The following MAD1L1 variants were observed in gnomAD, a reference collection of about 807,000 sequenced individuals.
The protein encoded by MAD1L1 is mitotic arrest deficient 1 like 1, also known as mitotic spindle assembly checkpoint protein MAD1.
In MAD1L1, 95 loss-of-function variants were observed where a neutral mutation model predicts 96.9. That is an observed-to-expected ratio of 0.98 (90% confidence interval 0.83 to 1.16). The LOEUF (loss-of-function observed/expected upper bound fraction) is 1.16. MAD1L1 is among the 50% of genes most tolerant of loss of function. MAD1L1 has a pLI of 0.00. For missense variants in MAD1L1, 1,007 were observed against 954.4 expected (o/e 1.06, Z -0.73); for synonymous variants, 473 against 396.6 (o/e 1.19, Z -2.29).
At chr7:1,849,291 T>A (rs1425929683) in intron 18 of MAD1L1, 2 of 152,140 alleles carry the variant, frequency 1.3e-5, no homozygotes, top group Admixed American at 1.3e-4. Context: ...GCAGCACAAA[T>A]CTCCAAGTGA....
At chr7:1,858,784 C>G (rs530322713) in intron 18 of MAD1L1, among the ~76,000 whole-genome samples, 17 of 152,334 alleles carry the variant, frequency 1.1e-4, no homozygotes, top group Non-Finnish European at 2.1e-4. Flanking sequence ...GCAAGGGGCC[C>G]CCAGCTGGAA....
intron 12 of MAD1L1, among the ~76,000 whole-genome samples, chr7:2,027,524 T>C (rs1178634215): frequency 6.6e-6 from 1 of 152,250 alleles, no homozygotes; most frequent in African/African-American, 2.4e-5. Context: ...CATTTATTCC[T>C]GGAATGTAAG....
intron 18 of MAD1L1, among the ~76,000 whole-genome samples, chr7:1,852,073 G>A (rs1784006780): frequency 6.6e-6 from 1 of 152,216 alleles, no homozygotes; most frequent in South Asian, 2.1e-4. Flanking sequence ...CTGTTGGCCT[G>A]GGGAGGGGCC....
chr7:1,848,173 C>G (rs777579915), intron 18 of MAD1L1: 3 of 205,904 alleles, frequency 1.5e-5, no homozygotes, highest in South Asian at 8.5e-5. Flanking sequence ...ACAACACTCA[C>G]GCCTGCTGCA....
chr7:2,094,289 G>C (rs1385719881), intron 11 of MAD1L1, among the ~76,000 whole-genome samples: 2 of 152,170 alleles, frequency 1.3e-5, no homozygotes, highest in African/African-American at 2.4e-5. Context: ...AATCCCTCTG[G>C]ATGCAGAATC....
chr7:1,911,537 T>C (rs1788015440), intron 17 of MAD1L1, among the ~76,000 whole-genome samples: 1 of 152,238 alleles, frequency 6.6e-6, no homozygotes, highest in Non-Finnish European at 1.5e-5. Context: ...CGCATGGTGC[T>C]CATTTCTGCT....
At chr7:2,198,914 C>A (rs1321826704) in intron 10 of MAD1L1, among the ~76,000 whole-genome samples, 2 of 152,238 alleles carry the variant, frequency 1.3e-5, no homozygotes, top group African/African-American at 2.4e-5. Flanking sequence ...ACTCGGAGGA[C>A]ACACAGGCCA....
At chr7:2,224,758 G>C (rs1256679864) in intron 4 of MAD1L1, among the ~76,000 whole-genome samples, 2 of 152,168 alleles carry the variant, frequency 1.3e-5, no homozygotes, top group East Asian at 3.9e-4. Context: ...GAGCAGAGGG[G>C]ATCCGCGCAC....
At chr7:1,981,112 G>C (rs879303088) in intron 14 of MAD1L1, among the ~76,000 whole-genome samples, 3 of 152,168 alleles carry the variant, frequency 2.0e-5, no homozygotes, top group Admixed American at 6.5e-5. Context: ...GACTACAGGC[G>C]CGTGCTGCCA....
At chr7:1,989,625 C>A (rs1781314753) in intron 14 of MAD1L1, among the ~76,000 whole-genome samples, 1 of 152,150 alleles carries the variant, frequency 6.6e-6, no homozygotes, top group Non-Finnish European at 1.5e-5. Flanking sequence ...GACGTCCCGG[C>A]AGCGCTCCAG....
rs1554300227 is a variant in MAD1L1, at chr7:1,938,871, CGG to C, written c.1597-1976_1597-1975del. Reference sequence around the variant, plus strand: ...ACACACACACACACACACACACACACGGACACAGTCCAGGGCCGGGGCCAGAG... The same window carrying C: ...ACACACACACACACACACACACACACACACAGTCCAGGGCCGGGGCCAGAG... On this transcript the variant is annotated intron_variant, in intron 16 of 18. Coordinates refer to ENST00000265854, the MANE Select transcript of MAD1L1 (RefSeq NM_001013836.2). Among the ~76,000 whole-genome samples, 569 of 116,936 alleles carry C rather than the reference CGG, an allele frequency of 4.9e-3. 1 individual carries two copies. Among genetic ancestry groups the C allele is most frequent in the Admixed American group, 0.012 (121 of 10,272 alleles). 76.7% of individuals were successfully genotyped at this position (116,936 alleles called of 152,430 possible).
At chr7:2,133,190 G>C (rs978695057) in intron 11 of MAD1L1, among the ~76,000 whole-genome samples, 7 of 151,312 alleles carry the variant, frequency 4.6e-5, no homozygotes, top group African/African-American at 1.5e-4. Context: ...CTTTGGTGAG[G>C]CACCTGTTCA....
In MAD1L1 at chr7:2,104,851, T is replaced by C. The variant is rs1276726663; in HGVS notation, c.1074-35513A>G. Among the ~76,000 whole-genome samples, 4 of 152,318 alleles carry C rather than the reference T, an allele frequency of 2.6e-5. No homozygotes were observed. In the East Asian group the frequency reaches 7.7e-4, roughly 29 times the overall value. ...CCAGGCCGTGCACAGCCATGTGGGC[T>C]CAGCCTGCAGCTGCCTCTCCTTCCA... is the stretch of plus-strand genomic sequence containing the variant. On this transcript the variant is annotated intron_variant, in intron 11 of 18. Transcript: ENST00000265854.
At chr7:1,863,671 C>T (rs1784639231) in intron 18 of MAD1L1, among the ~76,000 whole-genome samples, 1 of 152,218 alleles carries the variant, frequency 6.6e-6, no homozygotes, top group Non-Finnish European at 1.5e-5. Context: ...CCCTGCCCTG[C>T]CCCATCTTGC....
At chr7:1,921,274 A>G (rs917300706) in intron 17 of MAD1L1, among the ~76,000 whole-genome samples, 1 of 152,252 alleles carries the variant, frequency 6.6e-6, no homozygotes, top group Non-Finnish European at 1.5e-5. Flanking sequence ...AATTTCAGTA[A>G]AAAATAAAAC....
At chr7:2,204,297 C>T (rs1025398643) in intron 10 of MAD1L1, among the ~76,000 whole-genome samples, 6 of 152,172 alleles carry the variant, frequency 3.9e-5, no homozygotes, top group Non-Finnish European at 7.4e-5. Flanking sequence ...ACAGCTAATC[C>T]GAAGAGCTGA....
Position 1,904,577 on chromosome 7 carries a change from G to A in MAD1L1, c.1808-6187C>T, listed in dbSNP as rs1457158554. On this transcript the variant is annotated intron_variant, in intron 17 of 18. Coordinates refer to ENST00000265854, the MANE Select transcript of MAD1L1 (RefSeq NM_001013836.2). The stretch of plus-strand genomic sequence containing the variant: ...GAGGACGCAGTGGCCTACGGAAGAC[G>A]CTCTTGCAGAATTCATGATTAATGA... 4.7e-5 allele frequency among the ~76,000 whole-genome samples: 6 copies of A among 128,382 alleles called. 1 individual carries two copies. Among genetic ancestry groups the A allele is most frequent in the South Asian group, 5.6e-4 (2 of 3,596 alleles). The allele number at this position is 128,382 out of a possible 152,430, so 84.2% of individuals were successfully genotyped here.
chr7:1,933,052 G>A (rs902143231), intron 17 of MAD1L1, among the ~76,000 whole-genome samples: 2 of 152,216 alleles, frequency 1.3e-5, no homozygotes, highest in African/African-American at 4.8e-5. Context: ...AGGAGATCCA[G>A]GAGACAGTTT....
At chr7:2,228,042 C>G (rs905486550) in intron 3 of MAD1L1, among the ~76,000 whole-genome samples, 4 of 152,092 alleles carry the variant, frequency 2.6e-5, no homozygotes, top group African/African-American at 4.8e-5. Flanking sequence ...AGAACCACGA[C>G]GAAGTCCAGG....
Sources: allele counts gnomAD v4.1 joint callset (sites outside exome capture counted in the v4.1 genomes callset), GRCh38; gene constraint gnomAD v4.1.1; transcripts MANE v1.5; gene names NCBI Gene and HGNC (gene_info 2026-07-23, HGNC 2026-07-21).